LYAR: variants seen among roughly 807,000 people sequenced by gnomAD.
The protein encoded by LYAR is cell growth-regulating nucleolar protein.
LYAR carries 37 observed loss-of-function variants against 45.2 expected under a neutral mutation model. That is an observed-to-expected ratio of 0.82 (90% CI 0.63 to 1.08). LYAR has a LOEUF of 1.08. LYAR is among the 50% of genes least tolerant of loss of function. LYAR has a pLI of 0.00. For missense variants in LYAR, 493 were observed against 451.0 expected (o/e 1.09, Z -0.84); for synonymous variants, 176 against 155.1 (o/e 1.14, Z -1.00).
chr4:4,287,327 G>A lies in LYAR; in HGVS notation c.-107-755C>T, dbSNP rs190544567. Reference sequence around the variant, plus strand: ...TTGCTCAGTCACTTTAACTCAATTCGGCAGACATTTCCTGAATGCTGACAC... The same window carrying A: ...TTGCTCAGTCACTTTAACTCAATTCAGCAGACATTTCCTGAATGCTGACAC... On this transcript the variant is annotated intron_variant, in intron 1 of 9. Transcript: ENST00000343470. 6.3e-3 allele frequency among the ~76,000 whole-genome samples: 964 copies of A among 152,186 alleles called. 12 individuals carry two copies. The highest frequency in any genetic ancestry group is 0.022 in the African/African-American group (901 of 41,518).
intron 1 of LYAR, among the ~76,000 whole-genome samples, chr4:4,287,718 T>A (rs948511563): frequency 6.6e-6 from 1 of 152,188 alleles, no homozygotes; most frequent in African/African-American, 2.4e-5. Flanking sequence ...CATCTTGACC[T>A]GCCATGTCCT....
At chr4:4,278,348 A>T (rs3775334) in intron 6 of LYAR, among the ~76,000 whole-genome samples, 4,237 of 152,322 alleles carry the variant, frequency 0.028, 118 homozygotes, top group East Asian at 0.11. Flanking sequence ...TTTGAAACTG[A>T]TATTTACACA....
rs774328182 is a variant in LYAR, at chr4:4,274,699, G to T, written c.500C>A (p.Thr167Asn). ...PVANPHAEISTKVPASKVKDA... is the reference protein window; with the variant it reads ...PVANPHAEISNKVPASKVKDA... ...TTTCACTTTGGAGGCTGGAACCTTGGTGGAGATTTCTGCATGTGGATTTGC... is the reference window on the plus strand; with the variant it reads ...TTTCACTTTGGAGGCTGGAACCTTGTTGGAGATTTCTGCATGTGGATTTGC... Residue 167 changes from threonine (T) to asparagine (N), a missense_variant, in exon 7 of 10, where the codon ACC (threonine) becomes AAC (asparagine). Thr to Asn is a moderately conservative substitution (Grantham distance 65). Coordinates refer to ENST00000343470, the MANE Select transcript of LYAR (RefSeq NM_017816.3). The T allele has an allele frequency of 6.2e-7, 1 of 1,613,810 alleles. No homozygotes were observed. The highest frequency in any genetic ancestry group is 1.7e-5 in the Admixed American group (1 of 59,950).
intron 9 of LYAR, 134 bp from the exon 10 acceptor site, chr4:4,268,157 C>T (rs1375544265): frequency 3.9e-6 from 3 of 766,838 alleles, no homozygotes; most frequent in Non-Finnish European, 5.6e-6. Context: ...GGCGTGCTCT[C>T]CTTGGAAAAC....
At chr4:4,269,624 G>A (rs781335781) in intron 8 of LYAR, among the ~76,000 whole-genome samples, 12 of 152,096 alleles carry the variant, frequency 7.9e-5, no homozygotes, top group Non-Finnish European at 4.4e-5. Context: ...CTGGACTTCC[G>A]CCCCCACCTG....
At chr4:4,286,766 C>T (rs1719632579) in intron 1 of LYAR, among the ~76,000 whole-genome samples, 194 bp from the exon 2 acceptor site, 2 of 150,972 alleles carry the variant, frequency 1.3e-5, no homozygotes, top group Non-Finnish European at 2.9e-5. Flanking sequence ...CTTGCCTCAG[C>T]CTCCCGAGTA....
intron 8 of LYAR, 64 bp from the exon 9 acceptor site, chr4:4,268,679 A>T (rs1204827950): frequency 1.8e-6 from 2 of 1,082,986 alleles, no homozygotes; most frequent in South Asian, 2.8e-5. Context: ...GGGTAAAGAA[A>T]CAACTTCTGC....
chr4:4,281,473 C>T (rs527242079), intron 4 of LYAR, among the ~76,000 whole-genome samples: 2 of 136,212 alleles, frequency 1.5e-5, no homozygotes, highest in African/African-American at 2.5e-5. Flanking sequence ...GCACCCGCCA[C>T]TATGCCCGGC....
intron 1 of LYAR, 22 bp downstream of exon 1, chr4:4,290,014 C>G (rs1002474689): frequency 1.3e-5 from 2 of 152,422 alleles, no homozygotes; most frequent in Non-Finnish European, 2.9e-5. Flanking sequence ...CCAGGTCGGA[C>G]CTCTGGGCCA....
In LYAR at chr4:4,267,950, T is replaced by A; in HGVS notation, c.1079A>T (p.Lys360Met). 6.2e-7 allele frequency: 1 copy of A among 1,613,428 alleles called. No individual in the cohort carries two copies. The highest frequency in any genetic ancestry group is 8.5e-7 in the Non-Finnish European group (1 of 1,179,816). Residue 360 changes from lysine (K) to methionine (M), a missense_variant, in exon 10 of 10, where the codon AAG (lysine) becomes ATG (methionine). By Grantham distance (95) the Lys-to-Met change is moderately conservative (BLOSUM62 -1). Coordinates refer to ENST00000343470, the MANE Select transcript of LYAR (RefSeq NM_017816.3). ...SEEELLVIFN[K>M]KISKNPTFKL... ...AAAGGTAGGGTTCTTGCTGATTTTC[T>A]TGTTAAAGATGACCAGGAGTTCCTC...
chr4:4,281,884 T>TA lies in LYAR; in HGVS notation c.135dup (p.Lys46Ter). On this transcript the variant is annotated frameshift_variant, in exon 4 of 10. Transcript: ENST00000343470. LOFTEE classifies it high-confidence loss of function. Reference sequence around the variant, plus strand: ...TCACTTATGCATTTCACGTGGTTTTTATAGTCATCGCCCCTTTAAAGTGAT... The same window carrying TA: ...TCACTTATGCATTTCACGTGGTTTTTAATAGTCATCGCCCCTTTAAAGTGAT... 1 of 1,613,710 alleles carries TA rather than the reference T, an allele frequency of 6.2e-7. No homozygotes were observed. Among genetic ancestry groups the TA allele is most frequent in the Non-Finnish European group, 8.5e-7 (1 of 1,179,584 alleles).
Position 4,283,775 on chromosome 4 carries a change from A to G in LYAR, c.-33T>C. 1 of 1,582,692 alleles carries G rather than the reference A, an allele frequency of 6.3e-7. No individual in the cohort carries two copies. The highest frequency in any genetic ancestry group is 8.6e-7 in the Non-Finnish European group (1 of 1,162,974). On this transcript the variant is annotated 5_prime_UTR_variant, in exon 3 of 10. Coordinates refer to ENST00000343470, the MANE Select transcript of LYAR (RefSeq NM_017816.3). ...TAAATGGCTAAATATTCTCTATCCAAGACAGGTTTTAAGTCTTGTCCTAAG... is the reference window on the plus strand; with the variant it reads ...TAAATGGCTAAATATTCTCTATCCAGGACAGGTTTTAAGTCTTGTCCTAAG...
intron 1 of LYAR, among the ~76,000 whole-genome samples, chr4:4,288,875 G>A (rs1445374488): frequency 1.3e-5 from 2 of 152,174 alleles, no homozygotes; most frequent in Non-Finnish European, 2.9e-5. Flanking sequence ...CCCACCTGAG[G>A]GGCCTAGCTG....
chr4:4,268,233 A>C (rs1718791334), intron 9 of LYAR, among the ~76,000 whole-genome samples: 1 of 152,224 alleles, frequency 6.6e-6, no homozygotes, highest in Non-Finnish European at 1.5e-5. Context: ...AAGTGAAATA[A>C]AGGAGAAGAA....
chr4:4,289,286 A>G (rs1719757435), intron 1 of LYAR, among the ~76,000 whole-genome samples: 3 of 152,094 alleles, frequency 2.0e-5, no homozygotes, highest in Admixed American at 6.5e-5. Flanking sequence ...TTTAAACACC[A>G]TCCCTTCACT....
Position 4,277,099 on chromosome 4 carries a change from T to C in LYAR, c.430-2330A>G, listed in dbSNP as rs545961593. On this transcript the variant is annotated intron_variant, in intron 6 of 9. Transcript: ENST00000343470. ...TCTCGCTCTATCACCCAGGCTGGAG[T>C]GCAGTGGCACAATATCAGCTCACTG... 3.9e-5 allele frequency among the ~76,000 whole-genome samples: 6 copies of C among 152,178 alleles called. No homozygotes were observed. In the South Asian group the frequency reaches 1.2e-3, roughly 32 times the overall value.
intron 8 of LYAR, among the ~76,000 whole-genome samples, chr4:4,270,604 A>G (rs964198172): frequency 6.6e-6 from 1 of 151,868 alleles, no homozygotes. Flanking sequence ...AAAATAGGGG[A>G]AAAAAATTTA....
At chr4:4,273,265 C>T (rs1316288772) in intron 8 of LYAR, among the ~76,000 whole-genome samples, 2 of 152,184 alleles carry the variant, frequency 1.3e-5, no homozygotes, top group Admixed American at 6.5e-5. Context: ...GACTCACACA[C>T]CCTAGAGAAC....
At chr4:4,274,304 T>C in intron 7 of LYAR, 63 bp downstream of exon 7, 2 of 1,541,326 alleles carry the variant, frequency 1.3e-6, no homozygotes, top group East Asian at 2.3e-5. Flanking sequence ...CAGGCTTAAA[T>C]ATCCCAAATT....
Sources: allele counts gnomAD v4.1 joint callset (sites outside exome capture counted in the v4.1 genomes callset), GRCh38; gene constraint gnomAD v4.1.1; transcripts MANE v1.5; gene names NCBI Gene and HGNC (gene_info 2026-07-23, HGNC 2026-07-21).